The following FSD1L variants were observed in gnomAD, a reference collection of about 807,000 sequenced individuals.
FSD1L encodes fibronectin type III and SPRY domain containing 1 like.
FSD1L carries 45 observed loss-of-function variants against 71.6 expected under a neutral mutation model. The ratio of observed to expected loss-of-function variants is 0.63; its 90% CI spans 0.49 to 0.81. The LOEUF (loss-of-function observed/expected upper bound fraction) is 0.81. Among genes scored for constraint, FSD1L ranks in the 30% least tolerant of loss-of-function variants. The pLI, the probability that FSD1L is intolerant of heterozygous loss-of-function variation, is 0.00. For synonymous variants in FSD1L, 197 were observed against 207.2 expected (o/e 0.95, Z 0.42); for missense variants, 561 against 618.1 (o/e 0.91, Z 0.98).
chr9:105,484,398 C>G lies in FSD1L; in HGVS notation c.482C>G (p.Ala161Gly), dbSNP rs976330496. 1 of 1,525,778 alleles carries G rather than the reference C, an allele frequency of 6.6e-7. No homozygotes were observed. The highest frequency in any genetic ancestry group is 8.8e-7 in the Non-Finnish European group (1 of 1,137,374). 94.5% of individuals were successfully genotyped at this position (1,525,778 alleles called of 1,614,324 possible). A position where few individuals can be genotyped will look rare whatever the true frequency, so the allele number is the denominator to read the frequency against. ...QIKDRVTMAS[A>G]FRLSLKPKVS... ...TACCGTAGAGTCACAATGGCTTCAG[C>G]CTTTCGCCTTTCTTTGAAACCAAAG... Residue 161 changes from alanine (A) to glycine (G), a missense_variant, in exon 7 of 14, where the codon GCC (alanine) becomes GGC (glycine). Ala to Gly is a moderately conservative substitution (Grantham distance 60). Transcript: ENST00000481272.
chr9:105,525,749 C>T, intron 10 of FSD1L: 2 of 1,603,118 alleles, frequency 1.2e-6, no homozygotes, highest in African/African-American at 2.7e-5. Context: ...GGAAGTCAAG[C>T]ATATGAAGAT....
chr9:105,475,987 A>G lies in FSD1L; in HGVS notation c.442-3367A>G, dbSNP rs527453682. 1.8e-4 allele frequency among the ~76,000 whole-genome samples: 27 copies of G among 152,210 alleles called. No homozygotes were observed. In the South Asian group the frequency reaches 4.4e-3, roughly 25 times the overall value. On this transcript the variant is annotated intron_variant, in intron 5 of 13. Coordinates refer to ENST00000481272, the MANE Select transcript of FSD1L (RefSeq NM_001145313.3). ...AGGCTCTTTTTCCCTCTCCCTTTCT[A>G]TAAAAAGAGAAATGATGATATTAAA...
At chr9:105,521,814 C>G (rs980556298) in intron 10 of FSD1L, 3 of 1,612,392 alleles carry the variant, frequency 1.9e-6, no homozygotes, top group Non-Finnish European at 2.5e-6. Context: ...ACAAAACATA[C>G]GAGCTGGTAC....
chr9:105,489,257 C>T (rs1337379835), intron 7 of FSD1L, among the ~76,000 whole-genome samples: 4 of 151,920 alleles, frequency 2.6e-5, no homozygotes, highest in Non-Finnish European at 5.9e-5. Context: ...TTTTTGGGGC[C>T]CACTGATCTA....
At chr9:105,544,862 A>G (rs1475350986) in intron 13 of FSD1L, among the ~76,000 whole-genome samples, 1 of 152,164 alleles carries the variant, frequency 6.6e-6, no homozygotes, top group Non-Finnish European at 1.5e-5. Flanking sequence ...AGGTAGCGTG[A>G]TGCCTCCAGC....
intron 13 of FSD1L, among the ~76,000 whole-genome samples, chr9:105,540,608 G>A (rs537293273): frequency 6.6e-6 from 1 of 152,086 alleles, no homozygotes; most frequent in African/African-American, 2.4e-5. Flanking sequence ...TAAGGATCTA[G>A]ATACGTTCTT....
chr9:105,460,805 C>G (rs941505723), intron 1 of FSD1L, among the ~76,000 whole-genome samples: 1 of 152,154 alleles, frequency 6.6e-6, no homozygotes, highest in African/African-American at 2.4e-5. Flanking sequence ...GAAGTCTTCT[C>G]TAACCCAAAA....
chr9:105,528,387 A>G (rs1476441040), intron 10 of FSD1L, among the ~76,000 whole-genome samples: 1 of 152,196 alleles, frequency 6.6e-6, no homozygotes, highest in Non-Finnish European at 1.5e-5. Context: ...AAACTATACT[A>G]CAAGGCTACA....
Position 105,468,279 on chromosome 9 carries a change from T to G in FSD1L, c.294T>G (p.Ile98Met), listed in dbSNP as rs1444840416. The G allele has an allele frequency of 6.7e-7, 1 of 1,491,310 alleles. No individual in the cohort carries two copies. Among genetic ancestry groups the G allele is most frequent in the African/African-American group, 1.5e-5 (1 of 68,632 alleles). The allele number at this position is 1,491,310 out of a possible 1,614,324, so 92.4% of individuals were successfully genotyped here. A position where few individuals can be genotyped will look rare whatever the true frequency, so the allele number is the denominator to read the frequency against. ...TGGATGAAGTAAAAGAAAGTATGATTAACTGTATCAAGCAGGAACAAGCTC... is the reference window on the plus strand; with the variant it reads ...TGGATGAAGTAAAAGAAAGTATGATGAACTGTATCAAGCAGGAACAAGCTC... ...SILDEVKESM[I>M]NCIKQEQARK... Residue 98 changes from isoleucine to methionine, a missense_variant, in exon 4 of 14, where the codon ATT becomes ATG. Around this residue, in one of 3 missense-constraint regions of FSD1L, gnomAD observed 410 missense variants for 413.5 expected, o/e 0.99. Coordinates refer to ENST00000481272, the MANE Select transcript of FSD1L (RefSeq NM_001145313.3).
At chr9:105,463,962 A>G (rs539793745) in intron 2 of FSD1L, among the ~76,000 whole-genome samples, 2 of 152,222 alleles carry the variant, frequency 1.3e-5, no homozygotes, top group Non-Finnish European at 2.9e-5. Context: ...AAATAATTCT[A>G]TTGATATTAA....
chr9:105,452,370 T>A (rs539352310), intron 1 of FSD1L, among the ~76,000 whole-genome samples: 1 of 152,316 alleles, frequency 6.6e-6, no homozygotes, highest in Non-Finnish European at 1.5e-5. Context: ...CAGTTCTTAT[T>A]CCTGTTGCAC....
intron 11 of FSD1L, 120 bp downstream of exon 11, chr9:105,534,713 C>T (rs1263623491): frequency 1.6e-6 from 1 of 636,008 alleles, no homozygotes. Flanking sequence ...AGAAATTTCT[C>T]CCAATTGAAG....
chr9:105,521,744 T>C (rs1351806365), intron 10 of FSD1L: 1 of 1,613,012 alleles, frequency 6.2e-7, no homozygotes. Context: ...GAAATTCCAG[T>C]TGGGCAAAAA....
intron 1 of FSD1L, among the ~76,000 whole-genome samples, chr9:105,458,112 G>A (rs999515612): frequency 2.6e-5 from 4 of 152,166 alleles, no homozygotes; most frequent in Non-Finnish European, 5.9e-5. Context: ...GCTTGGGCCC[G>A]TGGCTCCCAG....
intron 7 of FSD1L, among the ~76,000 whole-genome samples, chr9:105,499,386 T>C (rs1476403513): frequency 6.6e-6 from 1 of 152,206 alleles, no homozygotes; most frequent in East Asian, 1.9e-4. Context: ...CTTATCCTTC[T>C]CCATTGCTCT....
chr9:105,443,515 A>C (rs997907574), upstream of FSD1L, among the ~76,000 whole-genome samples: 41 of 152,286 alleles, frequency 2.7e-4, no homozygotes, highest in Admixed American at 1.3e-4. Flanking sequence ...GGATGCAGCC[A>C]AACCATATCA....
At chr9:105,446,705 C>T (rs1012196960), upstream of FSD1L, among the ~76,000 whole-genome samples, 2 of 144,186 alleles carry the variant, frequency 1.4e-5, no homozygotes, top group East Asian at 2.0e-4. Context: ...CCGTCTAGCA[C>T]GTTAACTTTT....
rs753803025 is a variant in FSD1L at position 105,471,894 on chromosome 9, T to C, written c.340-10T>C. On this transcript the variant is annotated splice_polypyrimidine_tract_variant and intron_variant, in intron 4 of 13. Transcript: ENST00000481272. ...TTTTAATGACTTAGTTTTTTTTTTTTTTTCCCTAGAGTCAGATTAGTCAAT... is the reference window on the plus strand; with the variant it reads ...TTTTAATGACTTAGTTTTTTTTTTTCTTTCCCTAGAGTCAGATTAGTCAAT... 1.8e-6 allele frequency: 2 copies of C among 1,128,826 alleles called. No individual in the cohort carries two copies. Among genetic ancestry groups the C allele is most frequent in the South Asian group, 4.4e-5 (2 of 45,620 alleles). 69.9% of individuals were successfully genotyped at this position (1,128,826 alleles called of 1,614,324 possible).
At chr9:105,520,374 C>T (rs1365470763) in intron 10 of FSD1L, 24 of 1,205,456 alleles carry the variant, frequency 2.0e-5, no homozygotes, top group Non-Finnish European at 2.9e-5. Flanking sequence ...AATGCAGAAT[C>T]TATTGATCTT....
Sources: allele counts gnomAD v4.1 joint callset (sites outside exome capture counted in the v4.1 genomes callset), GRCh38; gene constraint gnomAD v4.1.1; regional missense constraint gnomAD v4.1.1; transcripts MANE v1.5; gene names NCBI Gene and HGNC (gene_info 2026-07-23, HGNC 2026-07-21).